PRKAG2: variants seen among roughly 807,000 people sequenced by gnomAD.
The protein encoded by PRKAG2 is 5'-AMP-activated protein kinase subunit gamma-2.
PRKAG2 carries 26 observed loss-of-function variants against 69.6 expected under a neutral mutation model. The ratio of observed to expected loss-of-function variants is 0.37; its 90% CI spans 0.27 to 0.52. The LOEUF (loss-of-function observed/expected upper bound fraction) is 0.52. PRKAG2 is among the 20% of genes least tolerant of loss of function. The pLI is 0.90. For missense variants in PRKAG2, 557 were observed against 740.0 expected (o/e 0.75, Z 2.87); for synonymous variants, 293 against 285.0 (o/e 1.03, Z -0.28).
Position 151,876,774 on chromosome 7 carries a change from A to C in PRKAG2, c.-154T>G. ...CCGCGGAGAGGGAGGGTGAGCAGGG[A>C]ACTCGCGCGGCCGCCGCCGCCGCCG... On this transcript the variant is annotated 5_prime_UTR_variant, in exon 1 of 16. Coordinates refer to ENST00000287878, the MANE Select transcript of PRKAG2 (RefSeq NM_016203.4). 1 of 769,674 alleles carries C rather than the reference A, an allele frequency of 1.3e-6. No homozygotes were observed. Among genetic ancestry groups the C allele is most frequent in the Non-Finnish European group, 2.2e-6 (1 of 463,354 alleles). The allele number at this position is 769,674 out of a possible 1,614,324, so 47.7% of individuals were successfully genotyped here.
intron 3 of PRKAG2, among the ~76,000 whole-genome samples, chr7:151,722,002 TTCC>T (rs1444595912): frequency 1.3e-5 from 2 of 152,180 alleles, no homozygotes; most frequent in Admixed American, 6.5e-5. Context: ...CCTTGCAGAA[TTCC>T]TCAAGCGTGG....
Position 151,675,525 on chromosome 7 carries a change from G to A in PRKAG2, c.579C>T (p.Ala193=). 6.2e-7 allele frequency: 1 copy of A among 1,614,166 alleles called. No homozygotes were observed. The highest frequency in any genetic ancestry group is 8.5e-7 in the Non-Finnish European group (1 of 1,179,990). The part of the protein sequence containing the change: ...EPERLENRIY[A]SSSPPDTGQR... ...GCCCTGTGTCCGGGGGGGAAGACGA[G>A]GCATAGATGCGATTCTCTAACCGTT... Residue 193 remains alanine, a synonymous_variant, in exon 4 of 16, where the codon GCC becomes GCT. Coordinates refer to ENST00000287878, the MANE Select transcript of PRKAG2 (RefSeq NM_016203.4).
intron 7 of PRKAG2, chr7:151,576,034 T>C (rs1280245451): frequency 1.0e-5 from 3 of 300,006 alleles, no homozygotes; most frequent in Non-Finnish European, 1.9e-5. Context: ...CAGGCTGGAG[T>C]ACAGTGCAGC....
chr7:151,619,634 T>C (rs919874137), intron 5 of PRKAG2, among the ~76,000 whole-genome samples: 66 of 152,228 alleles, frequency 4.3e-4, no homozygotes, highest in Non-Finnish European at 8.5e-4. Flanking sequence ...ATATAAGGTA[T>C]ATATGAAACA....
chr7:151,596,131 G>A (rs536497002), intron 5 of PRKAG2, among the ~76,000 whole-genome samples: 1 of 152,296 alleles, frequency 6.6e-6, no homozygotes, highest in Admixed American at 6.5e-5. Context: ...GAGCAGTCAG[G>A]CAAGACAAAG....
intron 2 of PRKAG2, among the ~76,000 whole-genome samples, chr7:151,784,176 G>A (rs1371557154): frequency 2.0e-5 from 3 of 152,208 alleles, no homozygotes; most frequent in East Asian, 1.9e-4. Flanking sequence ...CAGCAGCCTC[G>A]AGGGTGTGAA....
At chr7:151,677,449 C>T (rs1217623239) in intron 3 of PRKAG2, among the ~76,000 whole-genome samples, 4 of 152,222 alleles carry the variant, frequency 2.6e-5, no homozygotes, top group African/African-American at 7.2e-5. Context: ...GCCCCGGCCT[C>T]CCAAAGTGCT....
chr7:151,876,137 A>T (rs1327277109), intron 1 of PRKAG2, among the ~76,000 whole-genome samples: 1 of 143,208 alleles, frequency 7.0e-6, no homozygotes, highest in Non-Finnish European at 1.5e-5. Flanking sequence ...ACCTCCCCGG[A>T]GCGCAGTCCA....
intron 3 of PRKAG2, among the ~76,000 whole-genome samples, chr7:151,706,731 G>T (rs1838686767): frequency 6.6e-6 from 1 of 152,264 alleles, no homozygotes; most frequent in South Asian, 2.1e-4. Flanking sequence ...GGCGTTAGCT[G>T]TGGCAGTAAC....
chr7:151,659,633 C>G (rs1043206788), intron 4 of PRKAG2, among the ~76,000 whole-genome samples: 8 of 152,176 alleles, frequency 5.3e-5, no homozygotes, highest in African/African-American at 1.7e-4. Context: ...ACAGAATTTT[C>G]CTTTAATTGC....
chr7:151,631,587 T>C (rs2151321668), intron 5 of PRKAG2: 1 of 438,458 alleles, frequency 2.3e-6, no homozygotes, highest in Admixed American at 2.4e-5. Flanking sequence ...CAATAACCTC[T>C]TCAGGTTTTC....
At chr7:151,608,417 C>G (rs1481967697) in intron 5 of PRKAG2, among the ~76,000 whole-genome samples, 1 of 152,196 alleles carries the variant, frequency 6.6e-6, no homozygotes, top group Non-Finnish European at 1.5e-5. Flanking sequence ...CCTGTTAATG[C>G]TTCGTGAGTC....
chr7:151,563,643 C>T (rs1162034463), intron 14 of PRKAG2, among the ~76,000 whole-genome samples: 4 of 152,130 alleles, frequency 2.6e-5, no homozygotes, highest in South Asian at 2.1e-4. Context: ...GCAGTGGCAC[C>T]GCCACAGCTC....
intron 3 of PRKAG2, among the ~76,000 whole-genome samples, chr7:151,745,041 C>T (rs908614857): frequency 3.3e-5 from 5 of 152,138 alleles, no homozygotes; most frequent in Non-Finnish European, 7.4e-5. Flanking sequence ...TTGTGGGGGT[C>T]GACACTGGCT....
At chr7:151,610,424 A>T (rs1818510337) in intron 5 of PRKAG2, among the ~76,000 whole-genome samples, 1 of 151,212 alleles carries the variant, frequency 6.6e-6, no homozygotes, top group Non-Finnish European at 1.5e-5. Context: ...TACGGCTGTA[A>T]TCCCAGCACT....
intron 1 of PRKAG2, among the ~76,000 whole-genome samples, chr7:151,863,495 C>T (rs1216035345): frequency 6.6e-6 from 1 of 152,148 alleles, no homozygotes; most frequent in East Asian, 1.9e-4. Flanking sequence ...TCTGCTCAGT[C>T]CAGCTTGCTT....
At chr7:151,635,671 C>G (rs930741787) in intron 4 of PRKAG2, among the ~76,000 whole-genome samples, 1 of 151,782 alleles carries the variant, frequency 6.6e-6, no homozygotes, top group African/African-American at 2.4e-5. Context: ...TAGTGGATGC[C>G]GGGGATCAGG....
chr7:151,683,192 G>A (rs1055135689), intron 3 of PRKAG2, among the ~76,000 whole-genome samples: 1 of 152,248 alleles, frequency 6.6e-6, no homozygotes, highest in African/African-American at 2.4e-5. Context: ...AGACACTGGG[G>A]AGCCATGGGC....
intron 1 of PRKAG2, among the ~76,000 whole-genome samples, chr7:151,811,641 G>A (rs2078426091): frequency 6.6e-6 from 1 of 152,244 alleles, no homozygotes; most frequent in Non-Finnish European, 1.5e-5. Context: ...GCTGACAGGT[G>A]TGCAGGGCTG....
Sources: gnomAD v4.1 joint callset for allele counts (sites outside exome capture counted in the v4.1 genomes callset) on GRCh38, gnomAD v4.1.1 for gene constraint, MANE v1.5 for transcripts, NCBI Gene and HGNC (gene_info 2026-07-23, HGNC 2026-07-21) for gene names.